The following RBFOX1 variants were observed in gnomAD, a reference collection of about 807,000 sequenced individuals.
RBFOX1 encodes RNA binding protein fox-1 homolog 1.
A neutral mutation model predicts 57.7 loss-of-function variants in RBFOX1; 8 were observed. That is an observed-to-expected ratio of 0.14 (90% confidence interval 0.08 to 0.25). The LOEUF (loss-of-function observed/expected upper bound fraction) is 0.25, where lower values mean the gene tolerates loss of function less well. RBFOX1 is among the 10% of genes least tolerant of loss of function. The probability of loss-of-function intolerance (pLI) is 1.00; values close to 1 mark genes in which losing one functional copy is unlikely to be tolerated. For synonymous variants in RBFOX1, 326 were observed against 222.4 expected, an observed-to-expected ratio of 1.47 and a Z score of -4.15; for missense variants, 611 against 548.5, an observed-to-expected ratio of 1.11 and a Z score of -1.14.
At chr16:5,669,262 C>A (rs936443158) in intron 3 of RBFOX1, among the ~76,000 whole-genome samples, 3 of 151,954 alleles carry the variant, frequency 2.0e-5, no homozygotes, top group Non-Finnish European at 4.4e-5. Flanking sequence ...GGGGGAGTGG[C>A]CACCCTCAGC....
chr16:6,740,164 A>T (rs528930663), intron 3 of RBFOX1, among the ~76,000 whole-genome samples: 1 of 152,216 alleles, frequency 6.6e-6, no homozygotes, highest in Non-Finnish European at 1.5e-5. Flanking sequence ...CAAGAAGAAA[A>T]ATCACATGCT....
At chr16:5,627,461 G>A (rs898790124) in intron 3 of RBFOX1, among the ~76,000 whole-genome samples, 7 of 152,066 alleles carry the variant, frequency 4.6e-5, no homozygotes, top group Non-Finnish European at 8.8e-5. Flanking sequence ...ATAATCATTT[G>A]TAAAGGATAG....
intron 2 of RBFOX1, among the ~76,000 whole-genome samples, chr16:5,560,745 A>T (rs1265060974): frequency 1.3e-5 from 2 of 152,080 alleles, no homozygotes; most frequent in Non-Finnish European, 2.9e-5. Flanking sequence ...CTGCTATTGG[A>T]CTTCTCTGGA....
At chr16:7,693,416 C>CT (rs60812796) in intron 14 of RBFOX1, 208,698 of 778,060 alleles carry the variant, frequency 0.27, 7,118 homozygotes, top group Non-Finnish European at 0.28. Flanking sequence ...TCTCAGTATC[C>CT]TTTTTTTTTT....
At chr16:7,027,377 C>G (rs746851295) in intron 3 of RBFOX1, among the ~76,000 whole-genome samples, 2 of 152,126 alleles carry the variant, frequency 1.3e-5, no homozygotes, top group African/African-American at 2.4e-5. Flanking sequence ...TAGATATAAT[C>G]TCATAGATGC....
chr16:7,049,863 A>C (rs1490899156), intron 3 of RBFOX1, among the ~76,000 whole-genome samples: 1 of 152,228 alleles, frequency 6.6e-6, no homozygotes, highest in Non-Finnish European at 1.5e-5. Context: ...TAAAATACAC[A>C]TAAAATAAAA....
intron 3 of RBFOX1, among the ~76,000 whole-genome samples, chr16:5,730,034 C>G (rs993857084): frequency 3.3e-5 from 5 of 152,202 alleles, no homozygotes; most frequent in Non-Finnish European, 7.3e-5. Flanking sequence ...TTCATCTAGA[C>G]TCAATTCCAC....
chr16:5,409,646 G>A (rs1414482459), intron 1 of RBFOX1, among the ~76,000 whole-genome samples: 1 of 152,138 alleles, frequency 6.6e-6, no homozygotes, highest in African/African-American at 2.4e-5. Context: ...CAGGCTCCTT[G>A]CCTCCAGGAA....
intron 5 of RBFOX1, among the ~76,000 whole-genome samples, chr16:7,525,795 G>A (rs1370179301): frequency 6.6e-6 from 1 of 152,134 alleles, no homozygotes; most frequent in Non-Finnish European, 1.5e-5. Context: ...TCAACCTTTT[G>A]AATGCTGTTA....
chr16:5,248,442 G>T (rs1208863249), intron 1 of RBFOX1, among the ~76,000 whole-genome samples: 1 of 152,196 alleles, frequency 6.6e-6, no homozygotes, highest in Non-Finnish European at 1.5e-5. Context: ...GTATTCTGGG[G>T]GCAGCCTTTC....
At chr16:6,514,590 G>C (rs1409353461) in intron 2 of RBFOX1, among the ~76,000 whole-genome samples, 1 of 152,126 alleles carries the variant, frequency 6.6e-6, no homozygotes, top group Non-Finnish European at 1.5e-5. Flanking sequence ...GAGCATTCCT[G>C]ATGTTCCCCT....
At position 6,418,971 on chromosome 16, in the gene RBFOX1, T is replaced by C. The variant is rs573885859; in HGVS notation, c.-64+101914T>C. Among the ~76,000 whole-genome samples the C allele has an allele frequency of 3.3e-5, 5 of 152,312 alleles. No individual in the cohort carries two copies. In the East Asian group the frequency reaches 9.7e-4, roughly 29 times the overall value. On this transcript the variant is annotated intron_variant, in intron 2 of 15. Transcript: ENST00000550418. Reference sequence around the variant, plus strand: ...GGAAAGTGATTTTGGAAAAAGCGTATGTATGGGCTTGGAAACTTTTCCCCA... The same window carrying C: ...GGAAAGTGATTTTGGAAAAAGCGTACGTATGGGCTTGGAAACTTTTCCCCA...
At chr16:6,800,217 A>C (rs936721144) in intron 3 of RBFOX1, among the ~76,000 whole-genome samples, 1 of 145,908 alleles carries the variant, frequency 6.9e-6, no homozygotes, top group Non-Finnish European at 1.5e-5. Flanking sequence ...TTCCTGCCTC[A>C]TAACCATGTC....
At chr16:5,563,643 T>A (rs1447574705) in intron 2 of RBFOX1, among the ~76,000 whole-genome samples, 1 of 152,222 alleles carries the variant, frequency 6.6e-6, no homozygotes, top group Admixed American at 6.5e-5. Flanking sequence ...TGCCTTATAA[T>A]ATGATGATAG....
chr16:6,365,419 G>A (rs2089419690), intron 2 of RBFOX1, among the ~76,000 whole-genome samples: 1 of 151,994 alleles, frequency 6.6e-6, no homozygotes, highest in East Asian at 1.9e-4. Context: ...TGGATGGGTA[G>A]GTGGATGGGT....
At chr16:7,361,337 C>T (rs370237916) in intron 4 of RBFOX1, among the ~76,000 whole-genome samples, 2 of 152,206 alleles carry the variant, frequency 1.3e-5, no homozygotes, top group Non-Finnish European at 2.9e-5. Flanking sequence ...CCTAAATTGA[C>T]TTAGAAAGCT....
chr16:6,555,776 G>C (rs925597085), intron 2 of RBFOX1, among the ~76,000 whole-genome samples: 1 of 152,130 alleles, frequency 6.6e-6, no homozygotes, highest in Non-Finnish European at 1.5e-5. Flanking sequence ...GTTTAGTTAC[G>C]CACTTGTGTG....
intron 9 of RBFOX1, among the ~76,000 whole-genome samples, chr16:7,600,433 T>C (rs1293695133): frequency 1.3e-5 from 2 of 152,134 alleles, no homozygotes; most frequent in African/African-American, 4.8e-5. Context: ...TAAGTGGCAA[T>C]ACAATATAAC....
At chr16:6,420,896 A>G (rs1330290003) in intron 2 of RBFOX1, among the ~76,000 whole-genome samples, 4 of 152,176 alleles carry the variant, frequency 2.6e-5, no homozygotes, top group South Asian at 2.1e-4. Context: ...TGTCATTTTA[A>G]AAGGCTAGAC....
Sources: allele counts gnomAD v4.1 joint callset (sites outside exome capture counted in the v4.1 genomes callset), GRCh38; gene constraint gnomAD v4.1.1; transcripts MANE v1.5; gene names NCBI Gene and HGNC (gene_info 2026-07-23, HGNC 2026-07-21).